Variants in GRAMD1B observed in about 807,000 individuals in gnomAD.
GRAMD1B encodes GRAM domain containing 1B.
A neutral mutation model predicts 99.7 loss-of-function variants in GRAMD1B; 37 were observed. That is an observed-to-expected ratio of 0.37 (90% confidence interval 0.29 to 0.49). GRAMD1B has a LOEUF of 0.49. Among genes scored for constraint, GRAMD1B ranks in the 20% least tolerant of loss-of-function variants. The pLI is 0.98. For missense variants in GRAMD1B, 888 were observed against 1,009.2 expected, an observed-to-expected ratio of 0.88 and a Z score of 1.63; for synonymous variants, 427 against 387.6, an observed-to-expected ratio of 1.10 and a Z score of -1.19.
At chr11:123,477,648 C>T (rs1951357260) in intron 1 of GRAMD1B, among the ~76,000 whole-genome samples, 1 of 145,538 alleles carries the variant, frequency 6.9e-6, no homozygotes, top group African/African-American at 2.5e-5. Context: ...CCTTCCCTCC[C>T]TTCCCCTTTC....
chr11:123,570,734 TTAA>T (rs1415668820), intron 2 of GRAMD1B, among the ~76,000 whole-genome samples: 4 of 152,332 alleles, frequency 2.6e-5, no homozygotes, highest in African/African-American at 9.6e-5. Flanking sequence ...AAGAGCCTTC[TTAA>T]TAATACCAGC....
chr11:123,618,632 A>G, intron 17 of GRAMD1B, 61 bp from the exon 18 acceptor site: 2 of 945,430 alleles, frequency 2.1e-6, no homozygotes, highest in Admixed American at 3.8e-5. Context: ...GGGATGGGGG[A>G]TGTCCTAGGC....
At chr11:123,607,685 C>T (rs1012968238) in intron 11 of GRAMD1B, 36 of 36,690 alleles carry the variant, frequency 9.8e-4, no homozygotes, top group Non-Finnish European at 1.0e-3. Context: ...AGTCATAGGA[C>T]TTGACCCCTA....
At chr11:123,544,598 G>A (rs1944881326) in intron 2 of GRAMD1B, among the ~76,000 whole-genome samples, 1 of 152,146 alleles carries the variant, frequency 6.6e-6, no homozygotes, top group Non-Finnish European at 1.5e-5. Flanking sequence ...ACTCTCCCTG[G>A]GAGGAAAACT....
intron 1 of GRAMD1B, among the ~76,000 whole-genome samples, chr11:123,466,059 T>G (rs540162336): frequency 6.6e-6 from 1 of 152,120 alleles, no homozygotes; most frequent in Non-Finnish European, 1.5e-5. Flanking sequence ...GCGGATCACT[T>G]GAGGTCAGGA....
intron 1 of GRAMD1B, among the ~76,000 whole-genome samples, chr11:123,460,812 C>A (rs17127388): frequency 6.6e-6 from 1 of 151,992 alleles, no homozygotes; most frequent in African/African-American, 2.4e-5. Flanking sequence ...GTCACTAGAG[C>A]GGTTGGTCTT....
intron 17 of GRAMD1B, 64 bp downstream of exon 17, chr11:123,614,899 G>C (rs1308298770): frequency 1.1e-6 from 1 of 922,520 alleles, no homozygotes; most frequent in Non-Finnish European, 1.7e-6. Flanking sequence ...TGGTGCCCCA[G>C]CCCTCGTCTC....
chr11:123,452,985 C>G (rs779124174), intron 1 of GRAMD1B, among the ~76,000 whole-genome samples: 5 of 152,146 alleles, frequency 3.3e-5, no homozygotes, highest in African/African-American at 4.8e-5. Context: ...GTGTTACTTT[C>G]AGTGCATTTT....
intron 3 of GRAMD1B, among the ~76,000 whole-genome samples, chr11:123,583,178 ATG>A (rs1018602958): frequency 1.1e-4 from 16 of 148,200 alleles, no homozygotes; most frequent in South Asian, 4.3e-4. Flanking sequence ...GGTGGTGTGT[ATG>A]TGTTTGTGTA....
upstream of GRAMD1B, among the ~76,000 whole-genome samples, chr11:123,425,702 C>T (rs958676544): frequency 2.0e-5 from 3 of 152,156 alleles, no homozygotes; most frequent in Admixed American, 6.5e-5. Context: ...AGCATTTTCT[C>T]CCTTTTTCCT....
intron 2 of GRAMD1B, among the ~76,000 whole-genome samples, chr11:123,518,216 C>T (rs1197560549): frequency 2.0e-5 from 3 of 152,058 alleles, no homozygotes; most frequent in Non-Finnish European, 2.9e-5. Flanking sequence ...TCTCGTGATC[C>T]GGGACACGGG....
chr11:123,605,435 A>T lies in GRAMD1B; in HGVS notation c.1280A>T (p.Asn427Ile), dbSNP rs1472430563. Residue 427 changes from asparagine to isoleucine, a missense_variant, in exon 10 of 20, where the codon AAC becomes ATC. Transcript: ENST00000635736. ...CAGCTGCCCAAGAAATCCATCACCA[A>T]CAGCACACTAACATCCACAGGGAGC... Reference protein sequence around the residue: ...SPQLPKKSITNSTLTSTGSSE... With the variant: ...SPQLPKKSITISTLTSTGSSE... The T allele has an allele frequency of 2.5e-5, 40 of 1,613,336 alleles. No individual in the cohort carries two copies. The highest frequency in any genetic ancestry group is 3.4e-5 in the Non-Finnish European group (40 of 1,179,598).
At chr11:123,579,717 C>A (rs941193591) in intron 3 of GRAMD1B, among the ~76,000 whole-genome samples, 2 of 152,162 alleles carry the variant, frequency 1.3e-5, no homozygotes, top group Non-Finnish European at 2.9e-5. Flanking sequence ...CTCCTGCACA[C>A]TTTTCCATCC....
At chr11:123,383,931 C>T (rs550336401) in intron 1 of GRAMD1B, among the ~76,000 whole-genome samples, 40 of 152,028 alleles carry the variant, frequency 2.6e-4, no homozygotes, top group Non-Finnish European at 4.6e-4. Context: ...AGTGCAGTGA[C>T]GCGATCTCAG....
intron 2 of GRAMD1B, among the ~76,000 whole-genome samples, chr11:123,487,755 C>T (rs542025778): frequency 6.6e-6 from 1 of 152,244 alleles, no homozygotes; most frequent in South Asian, 2.1e-4. Flanking sequence ...GCTGGGCGCC[C>T]GCCATCATGC....
chr11:123,443,180 G>A (rs1203896308), intron 1 of GRAMD1B, among the ~76,000 whole-genome samples: 1 of 152,146 alleles, frequency 6.6e-6, no homozygotes, highest in African/African-American at 2.4e-5. Flanking sequence ...TGATTTAAAC[G>A]CCTCTGACAG....
intron 7 of GRAMD1B, chr11:123,598,897 G>A: frequency 7.5e-7 from 1 of 1,326,848 alleles, no homozygotes; most frequent in South Asian, 1.2e-5. Flanking sequence ...AGCATCTCTA[G>A]GTATCTCTTA....
intron 2 of GRAMD1B, among the ~76,000 whole-genome samples, chr11:123,484,586 A>G (rs1207000614): frequency 6.6e-6 from 1 of 152,044 alleles, no homozygotes; most frequent in Non-Finnish European, 1.5e-5. Context: ...GTTGTTTTGC[A>G]TCAACTCGCT....
intron 11 of GRAMD1B, among the ~76,000 whole-genome samples, chr11:123,607,604 C>A (rs1476693874): frequency 1.3e-5 from 2 of 152,204 alleles, no homozygotes; most frequent in African/African-American, 4.8e-5. Context: ...CTGCCTAACT[C>A]CAGGGTGCCT....
Sources: allele counts gnomAD v4.1 joint callset (sites outside exome capture counted in the v4.1 genomes callset), GRCh38; gene constraint gnomAD v4.1.1; transcripts MANE v1.5; gene names NCBI Gene and HGNC (gene_info 2026-07-23, HGNC 2026-07-21).